The following ENOX1 variants were observed in gnomAD, a reference collection of about 807,000 sequenced individuals.
ENOX1 encodes the protein ecto-NOX disulfide-thiol exchanger 1.
In ENOX1, 42 loss-of-function variants were observed where a neutral mutation model predicts 82.5. The observed-to-expected ratio is 0.51, with a 90% CI of 0.40 to 0.66. The LOEUF (loss-of-function observed/expected upper bound fraction) is 0.66. Among genes scored for constraint, ENOX1 ranks in the 30% least tolerant of loss-of-function variants. The pLI is 0.00. For missense variants in ENOX1, 608 were observed against 811.6 expected (o/e 0.75, Z 3.05); for synonymous variants, 271 against 282.2 (o/e 0.96, Z 0.40).
At chr13:43,571,947 G>A (rs1383647431) in intron 2 of ENOX1, among the ~76,000 whole-genome samples, 1 of 152,044 alleles carries the variant, frequency 6.6e-6, no homozygotes, top group African/African-American at 2.4e-5. Flanking sequence ...AAAAGGAAGG[G>A]AGGATTCAAA....
intron 2 of ENOX1, among the ~76,000 whole-genome samples, chr13:43,629,205 C>G (rs2083099583): frequency 1.3e-5 from 2 of 152,168 alleles, no homozygotes; most frequent in Non-Finnish European, 2.9e-5. Context: ...TCAGGCTTCC[C>G]TGGCACGGGT....
At chr13:43,592,826 A>T (rs557851869) in intron 2 of ENOX1, among the ~76,000 whole-genome samples, 10 of 152,350 alleles carry the variant, frequency 6.6e-5, no homozygotes, top group African/African-American at 2.4e-4. Context: ...TCCTAAAGTC[A>T]CATTAGGATC....
intron 15 of ENOX1, among the ~76,000 whole-genome samples, chr13:43,234,877 C>T (rs953802382): frequency 4.6e-5 from 7 of 152,278 alleles, no homozygotes; most frequent in African/African-American, 1.4e-4. Context: ...TTTAAATGAA[C>T]TGTGTTCTCC....
At chr13:43,340,923 G>T (rs761643011) in intron 9 of ENOX1, among the ~76,000 whole-genome samples, 28 of 152,238 alleles carry the variant, frequency 1.8e-4, no homozygotes, top group Non-Finnish European at 3.7e-4. Context: ...CTCTTCCTTT[G>T]TGATGCCTGC....
At chr13:43,722,272 A>G (rs2088630949) in intron 1 of ENOX1, among the ~76,000 whole-genome samples, 1 of 152,242 alleles carries the variant, frequency 6.6e-6, no homozygotes, top group Non-Finnish European at 1.5e-5. Context: ...AACTGGAATG[A>G]TGAGATGGCA....
intron 1 of ENOX1, among the ~76,000 whole-genome samples, chr13:43,739,308 G>A (rs1594636667): frequency 6.6e-6 from 1 of 152,058 alleles, no homozygotes; most frequent in African/African-American, 2.4e-5. Flanking sequence ...AGCAATTTGG[G>A]AGGCCAAGTC....
rs749488750 is a variant in ENOX1, at chr13:43,359,845, A to C, written c.589+6T>G. 1.2e-6 allele frequency: 2 copies of C among 1,613,630 alleles called. No individual in the cohort carries two copies. Among genetic ancestry groups the C allele is most frequent in the South Asian group, 2.2e-5 (2 of 91,058 alleles). On this transcript the variant is annotated splice_donor_region_variant and intron_variant, in intron 7 of 16. Coordinates refer to ENST00000690772, the MANE Select transcript of ENOX1 (RefSeq NM_001347969.2). Reference sequence around the variant, plus strand: ...CCTAGAAAACTCCTTATGTAATGCAAAGTACCAGAAAGGTAAATGGCTTTA... The same window carrying C: ...CCTAGAAAACTCCTTATGTAATGCACAGTACCAGAAAGGTAAATGGCTTTA...
intron 1 of ENOX1, among the ~76,000 whole-genome samples, chr13:43,709,970 T>G (rs1006412789): frequency 6.6e-6 from 1 of 152,188 alleles, no homozygotes; most frequent in African/African-American, 2.4e-5. Flanking sequence ...TTATATGTTA[T>G]TAAAGCACAC....
At chr13:43,537,871 C>A (rs2078532536) in intron 2 of ENOX1, among the ~76,000 whole-genome samples, 1 of 152,326 alleles carries the variant, frequency 6.6e-6, no homozygotes, top group East Asian at 1.9e-4. Context: ...GTATGGGGCA[C>A]CCCCTGCATC....
intron 11 of ENOX1, among the ~76,000 whole-genome samples, chr13:43,304,650 C>T (rs1924632): frequency 0.3 from 46,009 of 152,036 alleles, 8,448 homozygotes; most frequent in Middle Eastern, 0.43. Flanking sequence ...GCAGGACAAA[C>T]TTGGGGATGA....
At chr13:43,624,699 T>C (rs934495714) in intron 2 of ENOX1, among the ~76,000 whole-genome samples, 8 of 152,128 alleles carry the variant, frequency 5.3e-5, no homozygotes, top group African/African-American at 9.7e-5. Flanking sequence ...CATGCAAATA[T>C]GCACTTCTGT....
chr13:43,756,983 A>C (rs1226295446), intron 1 of ENOX1, among the ~76,000 whole-genome samples: 13 of 149,490 alleles, frequency 8.7e-5, no homozygotes, highest in African/African-American at 2.7e-4. Context: ...AAAAAAAAAA[A>C]AAAAAAAAAA....
intron 5 of ENOX1, among the ~76,000 whole-genome samples, chr13:43,392,597 A>AG (rs1594294550): frequency 6.6e-6 from 1 of 152,318 alleles, no homozygotes; most frequent in East Asian, 1.9e-4. Flanking sequence ...CAGGAGGCTG[A>AG]GGCAGGAGAA....
intron 16 of ENOX1, among the ~76,000 whole-genome samples, chr13:43,219,947 A>T (rs566933584): frequency 6.6e-6 from 1 of 152,396 alleles, no homozygotes; most frequent in East Asian, 1.9e-4. Context: ...ACTGACTTCT[A>T]GCCTTTAAAT....
chr13:43,369,901 G>A (rs2051108128), intron 5 of ENOX1, among the ~76,000 whole-genome samples: 1 of 152,224 alleles, frequency 6.6e-6, no homozygotes, highest in African/African-American at 2.4e-5. Context: ...TCTGGAGCTT[G>A]GAGGTGACAC....
At chr13:43,241,039 G>A (rs1216161079) in intron 14 of ENOX1, among the ~76,000 whole-genome samples, 1 of 152,152 alleles carries the variant, frequency 6.6e-6, no homozygotes, top group Non-Finnish European at 1.5e-5. Flanking sequence ...ATTCTTCTGG[G>A]AACAGTCTCT....
chr13:43,703,847 G>A (rs1165093310), intron 1 of ENOX1, among the ~76,000 whole-genome samples: 3 of 151,618 alleles, frequency 2.0e-5, no homozygotes, highest in African/African-American at 7.3e-5. Flanking sequence ...TGACATATAT[G>A]TACATTATAT....
intron 3 of ENOX1, among the ~76,000 whole-genome samples, chr13:43,470,359 TATATAC>T (rs1566307381): frequency 0.017 from 1,066 of 63,710 alleles, 271 homozygotes; most frequent in Non-Finnish European, 0.021. Context: ...TATATGTATA[TATATAC>T]GTATATATAT....
At chr13:43,365,696 G>A (rs2050803893) in intron 5 of ENOX1, among the ~76,000 whole-genome samples, 1 of 152,248 alleles carries the variant, frequency 6.6e-6, no homozygotes, top group Admixed American at 6.5e-5. Context: ...CAACAAAATA[G>A]AAGCCTGGGG....
Sources: gnomAD v4.1 joint callset for allele counts (sites outside exome capture counted in the v4.1 genomes callset) on GRCh38, gnomAD v4.1.1 for gene constraint, MANE v1.5 for transcripts, NCBI Gene and HGNC (gene_info 2026-07-23, HGNC 2026-07-21) for gene names.